BICDL1: variants seen among roughly 807,000 people sequenced by gnomAD.
BICDL1 encodes the protein BICD family like cargo adaptor 1.
In BICDL1, 20 loss-of-function variants were observed where a neutral mutation model predicts 76.8. The ratio of observed to expected loss-of-function variants is 0.26; its 90% CI spans 0.18 to 0.38. BICDL1 has a LOEUF of 0.38. Ranked by LOEUF, BICDL1 falls within the 10% of genes least tolerant of loss-of-function variation. The pLI is 1.00. For missense variants in BICDL1, 700 were observed against 798.6 expected (o/e 0.88, Z 1.49); for synonymous variants, 383 against 337.1 (o/e 1.14, Z -1.49).
In BICDL1 at chr12:120,070,419, A is replaced by G. The variant is rs185077950; in HGVS notation, c.910-1203A>G. 6.8e-4 allele frequency among the ~76,000 whole-genome samples: 104 copies of G among 152,188 alleles called. 3 individuals carry two copies. The East Asian group carries it at 0.015, about 21-fold the overall frequency. ...TGAAGCCCAGCCCTGAAAACCACCAATCCCTGCCCAGTGCTGCCCCATCTT... is the reference window on the plus strand; with the variant it reads ...TGAAGCCCAGCCCTGAAAACCACCAGTCCCTGCCCAGTGCTGCCCCATCTT... On this transcript the variant is annotated intron_variant, in intron 4 of 9. Transcript: ENST00000548673.
At chr12:120,084,751 A>G (rs1451120933) in intron 8 of BICDL1, among the ~76,000 whole-genome samples, 5 of 151,850 alleles carry the variant, frequency 3.3e-5, no homozygotes, top group Non-Finnish European at 7.4e-5. Flanking sequence ...TTAGCCAAGC[A>G]TGGTGGCAGG....
At chr12:119,997,713 A>G (rs996622855) in intron 1 of BICDL1, among the ~76,000 whole-genome samples, 1 of 152,154 alleles carries the variant, frequency 6.6e-6, no homozygotes, top group Non-Finnish European at 1.5e-5. Flanking sequence ...GAGATGGTTA[A>G]TTGAAAAGAT....
chr12:119,998,386 C>A, intron 1 of BICDL1, 135 bp from the exon 2 acceptor site: 2 of 644,512 alleles, frequency 3.1e-6, no homozygotes, highest in Non-Finnish European at 5.0e-6. Flanking sequence ...GTGAATTCGG[C>A]AACTTGTCCT....
chr12:120,076,835 T>C (rs1221967581), intron 7 of BICDL1, among the ~76,000 whole-genome samples: 3 of 152,214 alleles, frequency 2.0e-5, no homozygotes, highest in African/African-American at 7.2e-5. Flanking sequence ...CTGCAGAAAT[T>C]GCAGCCATCA....
At chr12:120,048,184 C>CT (rs914323677) in intron 2 of BICDL1, among the ~76,000 whole-genome samples, 67 of 145,530 alleles carry the variant, frequency 4.6e-4, no homozygotes, top group South Asian at 1.7e-3. Flanking sequence ...ATGAATTTAC[C>CT]TTTTTTTTTT....
chr12:120,003,636 A>G (rs1951800584), intron 2 of BICDL1, among the ~76,000 whole-genome samples: 1 of 152,226 alleles, frequency 6.6e-6, no homozygotes, highest in African/African-American at 2.4e-5. Context: ...ATTATCATAG[A>G]TACTCCTGGA....
intron 2 of BICDL1, among the ~76,000 whole-genome samples, chr12:119,999,394 T>A (rs1006621539): frequency 5.3e-5 from 8 of 152,258 alleles, no homozygotes; most frequent in African/African-American, 1.9e-4. Context: ...ATTATGTTAA[T>A]TCGTTTAGTT....
intron 2 of BICDL1, among the ~76,000 whole-genome samples, chr12:120,027,965 G>C (rs1211957546): frequency 1.3e-5 from 2 of 152,168 alleles, no homozygotes; most frequent in Non-Finnish European, 2.9e-5. Context: ...GTTCCTAAAT[G>C]GGTGTTTTTA....
Position 120,064,735 on chromosome 12 carries a change from C to A in BICDL1, c.765C>A (p.Ile255=). The A allele has an allele frequency of 6.2e-7, 1 of 1,607,288 alleles. No individual in the cohort carries two copies. The highest frequency in any genetic ancestry group is 1.7e-5 in the Admixed American group (1 of 59,182). ...CCTGTGGCTCTCCACCCTTTCAGAT[C>A]AAGATGCTGTCAGATCGGAAACGGG... ...IIRLESLQAE[I]KMLSDRKREL... Residue 255 remains isoleucine, a splice_region_variant and synonymous_variant, in exon 4 of 10, where the codon ATC becomes ATA. Coordinates refer to ENST00000548673, the MANE Select transcript of BICDL1 (RefSeq NM_001367886.1).
intron 8 of BICDL1, among the ~76,000 whole-genome samples, chr12:120,081,293 A>G (rs997769759): frequency 2.7e-5 from 4 of 150,658 alleles, no homozygotes; most frequent in Non-Finnish European, 4.4e-5. Flanking sequence ...TTAGACATCA[A>G]TAGGATGATA....
chr12:120,090,166 C>T (rs1874840753), intron 9 of BICDL1, 95 bp downstream of exon 9: 1 of 1,442,292 alleles, frequency 6.9e-7, no homozygotes, highest in Non-Finnish European at 9.4e-7. Flanking sequence ...CTGGAGGGTT[C>T]CATGTGACTG....
chr12:120,083,074 G>A (rs1566267842), intron 8 of BICDL1, among the ~76,000 whole-genome samples: 2 of 151,394 alleles, frequency 1.3e-5, no homozygotes, highest in Non-Finnish European at 2.9e-5. Flanking sequence ...TGTTGGCCAG[G>A]CTACTCTCGA....
At chr12:120,060,003 G>A (rs1448339503) in intron 2 of BICDL1, among the ~76,000 whole-genome samples, 3 of 152,174 alleles carry the variant, frequency 2.0e-5, no homozygotes, top group Non-Finnish European at 2.9e-5. Flanking sequence ...ATGAGCCAGC[G>A]TACCCAACCC....
intron 8 of BICDL1, among the ~76,000 whole-genome samples, chr12:120,089,609 C>T (rs1291363317): frequency 2.0e-5 from 3 of 151,982 alleles, no homozygotes; most frequent in African/African-American, 7.2e-5. Context: ...CTCGAACCCT[C>T]GATCTCAGGT....
chr12:120,054,981 A>T (rs1176579392), intron 2 of BICDL1, among the ~76,000 whole-genome samples: 2 of 152,194 alleles, frequency 1.3e-5, no homozygotes, highest in African/African-American at 4.8e-5. Flanking sequence ...ATGTAGAAAG[A>T]TTGGGGAAAA....
At chr12:120,003,049 C>T (rs543365229) in intron 2 of BICDL1, among the ~76,000 whole-genome samples, 7 of 151,598 alleles carry the variant, frequency 4.6e-5, no homozygotes, top group South Asian at 2.1e-4. Flanking sequence ...CTCCAGCTAC[C>T]GGGGAGTCTG....
In BICDL1 at chr12:120,020,406, A is replaced by G. The variant is rs568449918; in HGVS notation, c.645+21670A>G. The stretch of plus-strand genomic sequence containing the variant: ...ACGTCAGAGTCTGTTATATTGTAAT[A>G]ATACTCAGAAAAGAGAAAGCTTCCC... On this transcript the variant is annotated intron_variant, in intron 2 of 9. Transcript: ENST00000548673. Among the ~76,000 whole-genome samples the G allele has an allele frequency of 3.1e-4, 47 of 152,370 alleles. 1 individual carries two copies. The Middle Eastern group carries it at 0.02, about 66-fold the overall frequency.
intron 5 of BICDL1, among the ~76,000 whole-genome samples, chr12:120,072,028 A>G (rs1873144482): frequency 6.6e-6 from 1 of 152,228 alleles, no homozygotes; most frequent in Non-Finnish European, 1.5e-5. Context: ...GAATTGCTAG[A>G]GGACAGAGTA....
chr12:120,001,672 T>G (rs1432414106), intron 2 of BICDL1, among the ~76,000 whole-genome samples: 1 of 152,246 alleles, frequency 6.6e-6, no homozygotes, highest in Non-Finnish European at 1.5e-5. Flanking sequence ...TTGGCTTCCT[T>G]GGCCTCCAGG....
Sources: allele counts gnomAD v4.1 joint callset (sites outside exome capture counted in the v4.1 genomes callset), GRCh38; gene constraint gnomAD v4.1.1; transcripts MANE v1.5; gene names NCBI Gene and HGNC (gene_info 2026-07-23, HGNC 2026-07-21).